KCNJ1: variants seen among roughly 807,000 people sequenced by gnomAD.
KCNJ1 encodes the protein ATP-sensitive inward rectifier potassium channel 1.
In KCNJ1, 24 loss-of-function variants were observed where a neutral mutation model predicts 21.9. That is an observed-to-expected ratio of 1.10 (90% CI 0.79 to 1.54). The LOEUF (loss-of-function observed/expected upper bound fraction) is 1.54. Among genes scored for constraint, KCNJ1 ranks in the 40% most tolerant of loss-of-function variants. The pLI is 0.00. For synonymous variants in KCNJ1, 152 were observed against 160.9 expected (o/e 0.94, Z 0.42); for missense variants, 457 against 455.4 (o/e 1.00, Z -0.03).
chr11:128,859,872 T>C (rs1943667482), intron 1 of KCNJ1, among the ~76,000 whole-genome samples: 1 of 152,146 alleles, frequency 6.6e-6, no homozygotes, highest in South Asian at 2.1e-4. Context: ...GATAAGGACT[T>C]AGAAAGAAAC....
At chr11:128,862,641 G>A (rs2135962315) in intron 1 of KCNJ1, among the ~76,000 whole-genome samples, 1 of 152,272 alleles carries the variant, frequency 6.6e-6, no homozygotes, top group East Asian at 1.9e-4. Context: ...ATCCCCTCAC[G>A]GGGACCAGAG....
At position 128,839,451 on chromosome 11, in the gene KCNJ1, C is replaced by G; in HGVS notation, c.793G>C (p.Glu265Gln). 1.2e-6 allele frequency: 2 copies of G among 1,614,144 alleles called. No homozygotes were observed. The highest frequency in any genetic ancestry group is 1.6e-4 in the Middle Eastern group (1 of 6,062). ...TCAAAGTCCTGCTGGAGAAGGGTCT[C>G]CGCTGCCATGTGGAAGAAAGGGCTG... ...HNSPFFHMAA[E>Q]TLLQQDFELV... is the part of the protein sequence containing the mutation. Residue 265 changes from glutamate (E) to glutamine (Q), a missense_variant, in exon 3 of 3, where the codon GAG becomes CAG. By Grantham distance (29) the Glu-to-Gln change is conservative (BLOSUM62 2). Transcript: ENST00000392666.
chr11:128,852,872 C>A (rs1237465620), intron 1 of KCNJ1, among the ~76,000 whole-genome samples: 1 of 152,260 alleles, frequency 6.6e-6, no homozygotes, highest in African/African-American at 2.4e-5. Context: ...TAGAGCCATG[C>A]CAAGGCAGGC....
intron 2 of KCNJ1, among the ~76,000 whole-genome samples, chr11:128,847,543 G>T (rs1312153293): frequency 1.3e-5 from 2 of 152,226 alleles, no homozygotes; most frequent in Admixed American, 6.5e-5. Flanking sequence ...CCATTAAAAT[G>T]AGTTAAAAAT....
intron 1 of KCNJ1, among the ~76,000 whole-genome samples, chr11:128,859,052 G>A (rs191639384): frequency 3.9e-5 from 6 of 152,276 alleles, no homozygotes; most frequent in African/African-American, 1.4e-4. Flanking sequence ...GTCCCTTCTA[G>A]GCATGGAATT....
At chr11:128,840,287 C>CA (rs759406763) in intron 2 of KCNJ1, 23 bp from the exon 3 acceptor site, 2 of 1,609,988 alleles carry the variant, frequency 1.2e-6, no homozygotes, top group Non-Finnish European at 1.7e-6. Flanking sequence ...CAAAGAAAAA[C>CA]AAAAAAGGAT....
intron 2 of KCNJ1, among the ~76,000 whole-genome samples, chr11:128,843,706 C>A (rs1170264565): frequency 1.3e-5 from 2 of 152,190 alleles, no homozygotes; most frequent in Non-Finnish European, 2.9e-5. Flanking sequence ...TGGGGATCCA[C>A]CCTTTCTTTG....
chr11:128,839,486 A>G lies in KCNJ1; in HGVS notation c.758T>C (p.Ile253Thr), dbSNP rs747887329. 6.2e-7 allele frequency: 1 copy of G among 1,614,150 alleles called. No homozygotes were observed. Among genetic ancestry groups the G allele is most frequent in the South Asian group, 1.1e-5 (1 of 91,084 alleles). Residue 253 changes from isoleucine to threonine, a missense_variant, in exon 3 of 3, where the codon ATT (isoleucine) becomes ACT (threonine). Ile to Thr is a moderately conservative substitution (Grantham distance 89). Coordinates refer to ENST00000392666, the MANE Select transcript of KCNJ1 (RefSeq NM_153766.3). ...GTGGAAGAAAGGGCTGTTGTGATCA[A>G]TGACATGGTAAATTGTCAATGGGGA... The part of the protein sequence containing the change: ...FISPLTIYHV[I>T]DHNSPFFHMA...
rs1030537643 is a variant in KCNJ1, at chr11:128,838,053, C to T, written c.*1072G>A. ...CAGAAATTTACTATATTAATCAACA[C>T]ACTGAAAACATTTTGATTCCTAAGC... On this transcript the variant is annotated 3_prime_UTR_variant, in exon 3 of 3. Coordinates refer to ENST00000392666, the MANE Select transcript of KCNJ1 (RefSeq NM_153766.3). 5 of 152,506 alleles carry T rather than the reference C, an allele frequency of 3.3e-5. No individual in the cohort carries two copies. The highest frequency in any genetic ancestry group is 2.1e-4 in the South Asian group (1 of 4,830). The allele number at this position is 152,506 out of a possible 1,614,324, so 9.4% of individuals were successfully genotyped here.
At chr11:128,846,260 G>A (rs1943377489) in intron 2 of KCNJ1, among the ~76,000 whole-genome samples, 1 of 152,206 alleles carries the variant, frequency 6.6e-6, no homozygotes, top group Non-Finnish European at 1.5e-5. Context: ...TTCCTCACCT[G>A]TGAAATGGCT....
intron 2 of KCNJ1, chr11:128,842,290 C>T: frequency 2.2e-6 from 3 of 1,386,696 alleles, no homozygotes; most frequent in Admixed American, 1.7e-5. Flanking sequence ...TGATTGATCA[C>T]TTGAATAACG....
intron 1 of KCNJ1, among the ~76,000 whole-genome samples, chr11:128,859,855 A>G (rs1221037312): frequency 3.3e-5 from 5 of 152,248 alleles, no homozygotes; most frequent in Non-Finnish European, 7.3e-5. Flanking sequence ...GAGTAATTAT[A>G]GATTGTGATA....
Position 128,863,981 on chromosome 11 carries a change from G to A in KCNJ1, c.-192+3192C>T, listed in dbSNP as rs190859260. ...CAAGGATGGCTTAGAATCGTCCTGCGTGGAGGAAGGAACAACCTTTGACCT... is the reference window on the plus strand; with the variant it reads ...CAAGGATGGCTTAGAATCGTCCTGCATGGAGGAAGGAACAACCTTTGACCT... On this transcript the variant is annotated intron_variant, in intron 1 of 2. Transcript: ENST00000392666. Among the ~76,000 whole-genome samples the A allele has an allele frequency of 2.3e-3, 352 of 151,846 alleles. 1 individual carries two copies. Among genetic ancestry groups the A allele is most frequent in the African/African-American group, 7.8e-3 (324 of 41,382 alleles).
chr11:128,843,828 G>A (rs894415227), intron 2 of KCNJ1, among the ~76,000 whole-genome samples: 1 of 152,162 alleles, frequency 6.6e-6, no homozygotes, highest in Non-Finnish European at 1.5e-5. Flanking sequence ...TGTGTGTGCT[G>A]ACCATTGTGC....
intron 1 of KCNJ1, among the ~76,000 whole-genome samples, chr11:128,857,862 C>A (rs1267708492): frequency 6.6e-6 from 1 of 152,100 alleles, no homozygotes; most frequent in African/African-American, 2.4e-5. Context: ...GCACATAGAT[C>A]TCATGTATTT....
At chr11:128,859,519 G>C (rs1943659168) in intron 1 of KCNJ1, among the ~76,000 whole-genome samples, 1 of 152,210 alleles carries the variant, frequency 6.6e-6, no homozygotes, top group Admixed American at 6.5e-5. Flanking sequence ...AAAGTGCTGG[G>C]ATTACAGCCC....
Position 128,839,394 on chromosome 11 carries a change from A to G in KCNJ1, c.850T>C (p.Ser284Pro), listed in dbSNP as rs1591403711. ...CGGACTTGGCAGGTAGCACTGGTGG[A>G]CTCCACTGTGCCATCTAAAAACACC... is the stretch of plus-strand genomic sequence containing the variant. ...LVVFLDGTVE[S>P]TSATCQVRTS... The change falls in exon 3 of 3, where the codon TCC becomes CCC. Residue 284 changes from serine (S) to proline (P), a missense_variant. Physicochemically the swap from Ser to Pro is moderately conservative, Grantham distance 74. Transcript: ENST00000392666. The G allele has an allele frequency of 2.5e-6, 4 of 1,614,062 alleles. No homozygotes were observed. The highest frequency in any genetic ancestry group is 3.4e-6 in the Non-Finnish European group (4 of 1,180,024).
At chr11:128,859,179 T>C (rs1283956915) in intron 1 of KCNJ1, among the ~76,000 whole-genome samples, 1 of 152,252 alleles carries the variant, frequency 6.6e-6, no homozygotes, top group Non-Finnish European at 1.5e-5. Flanking sequence ...GAAGTAGGTC[T>C]AATTTTCTCT....
intron 2 of KCNJ1, among the ~76,000 whole-genome samples, chr11:128,849,028 C>G (rs541028922): frequency 6.6e-6 from 1 of 152,294 alleles, no homozygotes; most frequent in South Asian, 2.1e-4. Flanking sequence ...GAGCACGATG[C>G]CAGCGGTGCC....
Sources: allele counts gnomAD v4.1 joint callset (sites outside exome capture counted in the v4.1 genomes callset), GRCh38; gene constraint gnomAD v4.1.1; transcripts MANE v1.5; gene names NCBI Gene and HGNC (gene_info 2026-07-23, HGNC 2026-07-21).